The following GATAD2A variants were observed in gnomAD, a reference collection of about 807,000 sequenced individuals.
GATAD2A encodes the protein transcriptional repressor p66-alpha.
In GATAD2A, 12 loss-of-function variants were observed where a neutral mutation model predicts 68.5. The ratio of observed to expected loss-of-function variants is 0.18; its 90% CI spans 0.11 to 0.28. The LOEUF (loss-of-function observed/expected upper bound fraction) is 0.28. Among genes scored for constraint, GATAD2A ranks in the 10% least tolerant of loss-of-function variants. The probability of loss-of-function intolerance (pLI) is 1.00; values close to 1 mark genes in which losing one functional copy is unlikely to be tolerated. For synonymous variants in GATAD2A, 410 were observed against 375.3 expected (o/e 1.09, Z -1.07); for missense variants, 755 against 868.5 (o/e 0.87, Z 1.64).
intron 1 of GATAD2A, among the ~76,000 whole-genome samples, chr19:19,457,567 T>C (rs1385370508): frequency 6.6e-6 from 1 of 152,016 alleles, no homozygotes; most frequent in Non-Finnish European, 1.5e-5. Flanking sequence ...GGTGAAACCC[T>C]GTCTCTACTA....
chr19:19,482,039 C>T (rs1004642893), intron 2 of GATAD2A, among the ~76,000 whole-genome samples: 10 of 151,816 alleles, frequency 6.6e-5, no homozygotes, highest in African/African-American at 1.5e-4. Context: ...CCCAGGAAGT[C>T]GAGGCTGTAG....
Position 19,505,531 on chromosome 19 carries a change from T to C in GATAD2A, c.*57T>C, listed in dbSNP as rs2060830380. 3 of 1,478,682 alleles carry C rather than the reference T, an allele frequency of 2.0e-6. No homozygotes were observed. The highest frequency in any genetic ancestry group is 9.1e-7 in the Non-Finnish European group (1 of 1,101,272). The allele number at this position is 1,478,682 out of a possible 1,614,324, so 91.6% of individuals were successfully genotyped here. ...CTCCTCCCCCACCTGGCCCCTGGTC[T>C]AGAAGGACCCACTGCACCACCCTCC... is the stretch of plus-strand genomic sequence containing the variant. On this transcript the variant is annotated 3_prime_UTR_variant, in exon 12 of 12. Coordinates refer to ENST00000683918, the MANE Select transcript of GATAD2A (RefSeq NM_001384528.1).
chr19:19,443,616 G>A (rs965431663), intron 1 of GATAD2A, among the ~76,000 whole-genome samples: 2 of 152,164 alleles, frequency 1.3e-5, no homozygotes, highest in African/African-American at 4.8e-5. Context: ...AGCGGCATGT[G>A]GAGGACACGA....
chr19:19,459,312 G>T (rs1286687338), intron 1 of GATAD2A, among the ~76,000 whole-genome samples: 1 of 151,406 alleles, frequency 6.6e-6, no homozygotes, highest in Non-Finnish European at 1.5e-5. Flanking sequence ...TTTTGGTCCA[G>T]TTCCTTTCAG....
chr19:19,389,462 C>T (rs1599955122), intron 1 of GATAD2A, among the ~76,000 whole-genome samples: 1 of 152,156 alleles, frequency 6.6e-6, no homozygotes, highest in African/African-American at 2.4e-5. Flanking sequence ...TGTGAAGACT[C>T]CTGCCGAGGC....
chr19:19,458,100 A>G (rs1368004105), intron 1 of GATAD2A, among the ~76,000 whole-genome samples: 3 of 152,192 alleles, frequency 2.0e-5, no homozygotes, highest in East Asian at 3.8e-4. Flanking sequence ...AGATGTCTGT[A>G]TCTCTGGTGT....
chr19:19,454,679 T>C, intron 1 of GATAD2A, among the ~76,000 whole-genome samples: 2 of 149,668 alleles, frequency 1.3e-5, no homozygotes, highest in Non-Finnish European at 3.0e-5. Context: ...GTAGTGATCC[T>C]CCCTCCTTGG....
chr19:19,458,285 C>T (rs890267510), intron 1 of GATAD2A, among the ~76,000 whole-genome samples: 6 of 152,202 alleles, frequency 3.9e-5, no homozygotes, highest in South Asian at 2.1e-4. Flanking sequence ...CTGCCTGGAA[C>T]GTCTCGCCTA....
intron 1 of GATAD2A, among the ~76,000 whole-genome samples, chr19:19,423,000 T>C (rs2052613735): frequency 6.6e-6 from 1 of 152,130 alleles, no homozygotes; most frequent in Non-Finnish European, 1.5e-5. Context: ...CGTGAGCCAC[T>C]GCGCCCGGCC....
chr19:19,388,469 C>A (rs983835776), intron 1 of GATAD2A, among the ~76,000 whole-genome samples: 8 of 152,048 alleles, frequency 5.3e-5, no homozygotes, highest in African/African-American at 1.9e-4. Context: ...ATTCTCTGGA[C>A]TTTTATTTCG....
intron 2 of GATAD2A, among the ~76,000 whole-genome samples, chr19:19,482,413 G>A (rs1443061962): frequency 1.3e-5 from 2 of 152,112 alleles, no homozygotes; most frequent in African/African-American, 4.8e-5. Flanking sequence ...TCCAAATAAA[G>A]ATATTTGATG....
At chr19:19,468,212 AG>A (rs771275994) in intron 2 of GATAD2A, among the ~76,000 whole-genome samples, 1 of 152,224 alleles carries the variant, frequency 6.6e-6, no homozygotes, top group Non-Finnish European at 1.5e-5. Context: ...TTTGGTAAAG[AG>A]GTTCTGTCCA....
chr19:19,501,825 AATTCACTAAACGC>A, intron 9 of GATAD2A, 131 bp from the exon 10 acceptor site: 1 of 648,454 alleles, frequency 1.5e-6, no homozygotes, highest in Non-Finnish European at 2.7e-6. Context: ...AGTTCTTTGC[AATTCACTAAACGC>A]ATTTTCTCAA....
intron 2 of GATAD2A, among the ~76,000 whole-genome samples, chr19:19,471,554 C>T (rs1402323302): frequency 6.6e-6 from 1 of 152,130 alleles, no homozygotes; most frequent in Non-Finnish European, 1.5e-5. Context: ...AACACATGGG[C>T]ACGTTTTGGG....
rs1555724077 is a variant in GATAD2A, at chr19:19,507,264, A to AAAG, written c.*1792_*1793insGAA. ...TGTTTTTTACACCAAAAAAAAAAAA[A>AAAG]AAAATCAAGAGTATGCAAGCATTTC... On this transcript the variant is annotated 3_prime_UTR_variant, in exon 12 of 12. Transcript: ENST00000683918. The AAAG allele has an allele frequency of 6.6e-6, 1 of 151,700 alleles. No homozygotes were observed. Among genetic ancestry groups the AAAG allele is most frequent in the Non-Finnish European group, 1.5e-5 (1 of 67,900 alleles). The allele number at this position is 151,700 out of a possible 1,614,324, so 9.4% of individuals were successfully genotyped here.
At chr19:19,461,116 G>A (rs776476602) in intron 1 of GATAD2A, among the ~76,000 whole-genome samples, 44 of 151,398 alleles carry the variant, frequency 2.9e-4, no homozygotes, top group Non-Finnish European at 6.0e-4. Context: ...CTGCTGTCGG[G>A]TGAGGAGGCA....
intron 1 of GATAD2A, among the ~76,000 whole-genome samples, chr19:19,423,390 T>C (rs1281867323): frequency 6.6e-6 from 1 of 152,260 alleles, no homozygotes; most frequent in African/African-American, 2.4e-5. Flanking sequence ...CATTTATACT[T>C]TGCAGCATTT....
At chr19:19,422,045 A>T (rs1246280539) in intron 1 of GATAD2A, among the ~76,000 whole-genome samples, 1 of 151,226 alleles carries the variant, frequency 6.6e-6, no homozygotes, top group African/African-American at 2.4e-5. Flanking sequence ...CTGATTTCGA[A>T]CTCCTAACTT....
intron 1 of GATAD2A, among the ~76,000 whole-genome samples, chr19:19,444,428 G>A (rs1489488462): frequency 6.6e-6 from 1 of 152,130 alleles, no homozygotes; most frequent in African/African-American, 2.4e-5. Context: ...GTTCTCCTTG[G>A]GGCTCCTGAG....
Sources: gnomAD v4.1 joint callset for allele counts (sites outside exome capture counted in the v4.1 genomes callset) on GRCh38, gnomAD v4.1.1 for gene constraint, MANE v1.5 for transcripts, NCBI Gene and HGNC (gene_info 2026-07-23, HGNC 2026-07-21) for gene names.